Variants in TEAD1 observed in about 807,000 individuals in gnomAD.
The protein encoded by TEAD1 is transcriptional enhancer factor TEF-1.
Under a neutral mutation model 54.9 loss-of-function variants are expected in TEAD1, and 9 were observed. That is an observed-to-expected ratio of 0.16 (90% CI 0.10 to 0.29). The LOEUF (loss-of-function observed/expected upper bound fraction) is 0.29. Ranked by LOEUF, TEAD1 falls within the 10% of genes least tolerant of loss-of-function variation. The probability of loss-of-function intolerance (pLI) is 1.00; values close to 1 mark genes in which losing one functional copy is unlikely to be tolerated. For synonymous variants in TEAD1, 200 were observed against 187.8 expected (o/e 1.07, Z -0.53); for missense variants, 387 against 535.9 (o/e 0.72, Z 2.74).
intron 2 of TEAD1, among the ~76,000 whole-genome samples, chr11:12,712,312 A>T (rs528798089): frequency 6.6e-6 from 1 of 152,284 alleles, no homozygotes; most frequent in South Asian, 2.1e-4. Context: ...TACCACTCTG[A>T]CTATGGCCTC....
intron 3 of TEAD1, among the ~76,000 whole-genome samples, chr11:12,775,569 T>A (rs1478058229): frequency 6.6e-6 from 1 of 152,232 alleles, no homozygotes; most frequent in Non-Finnish European, 1.5e-5. Flanking sequence ...GTGGTCTTTT[T>A]AAAATAAATG....
chr11:12,941,830 T>G lies in TEAD1; in HGVS notation c.*4608T>G, dbSNP rs566196706. 1 of 152,736 alleles carries G rather than the reference T, an allele frequency of 6.5e-6. No individual in the cohort carries two copies. The highest frequency in any genetic ancestry group is 2.1e-4 in the South Asian group (1 of 4,822). The allele number at this position is 152,736 out of a possible 1,614,324, so 9.5% of individuals were successfully genotyped here. On this transcript the variant is annotated 3_prime_UTR_variant, in exon 13 of 13. Coordinates refer to ENST00000527636, the MANE Select transcript of TEAD1 (RefSeq NM_021961.6). ...GCATTTCTCTTACTACTGTTACTTT[T>G]GTAGGAAGTTTTCAATTCAGAGCTG... is the stretch of plus-strand genomic sequence containing the variant.
intron 2 of TEAD1, among the ~76,000 whole-genome samples, chr11:12,685,992 T>A (rs1472064412): frequency 6.6e-6 from 1 of 152,224 alleles, no homozygotes; most frequent in Non-Finnish European, 1.5e-5. Context: ...ATCCACCAGA[T>A]CCTGGCTGCC....
At chr11:12,909,482 C>G (rs770260746) in intron 10 of TEAD1, among the ~76,000 whole-genome samples, 2 of 122,380 alleles carry the variant, frequency 1.6e-5, no homozygotes, top group Non-Finnish European at 3.3e-5. Flanking sequence ...AATGAGAACA[C>G]AGGGACACAG....
At chr11:12,884,440 C>T (rs529912394) in intron 9 of TEAD1, among the ~76,000 whole-genome samples, 2 of 152,268 alleles carry the variant, frequency 1.3e-5, no homozygotes, top group African/African-American at 4.8e-5. Flanking sequence ...TATCGGGAGA[C>T]AGTGTCAAGA....
At chr11:12,827,037 G>C (rs925857302) in intron 3 of TEAD1, among the ~76,000 whole-genome samples, 1 of 152,156 alleles carries the variant, frequency 6.6e-6, no homozygotes, top group Non-Finnish European at 1.5e-5. Context: ...AATACCTCTG[G>C]GTGCTGGAGA....
intron 3 of TEAD1, among the ~76,000 whole-genome samples, chr11:12,803,537 C>CA (rs2133978810): frequency 6.6e-6 from 1 of 152,332 alleles, no homozygotes; most frequent in East Asian, 1.9e-4. Context: ...GGACTGAGTG[C>CA]AGTCTGTGTG....
chr11:12,775,413 T>G lies in TEAD1; in HGVS notation c.202+10979T>G, dbSNP rs527260592. On this transcript the variant is annotated intron_variant, in intron 3 of 12. Transcript: ENST00000527636. ...CCTGGATTCAACGATGTTTCTCTGT[T>G]CTCATCCCCACCGGACCCCCACCTC... Among the ~76,000 whole-genome samples the G allele has an allele frequency of 1.5e-4, 23 of 152,302 alleles. No individual in the cohort carries two copies. In the Middle Eastern group the frequency reaches 0.014, roughly 90 times the overall value.
At chr11:12,830,653 A>C (rs1946756252) in intron 3 of TEAD1, among the ~76,000 whole-genome samples, 1 of 152,120 alleles carries the variant, frequency 6.6e-6, no homozygotes, top group African/African-American at 2.4e-5. Flanking sequence ...AAAATCTGTT[A>C]GCCTGGTTAA....
chr11:12,887,082 TTTTTTTTTTTGTTTG>T (rs886440329), intron 9 of TEAD1, among the ~76,000 whole-genome samples: 5 of 6,182 alleles, frequency 8.1e-4, no homozygotes, highest in African/African-American at 1.9e-3. Flanking sequence ...AGTTTTTTTG[TTTTTTTTTTTGTTTG>T]TTTTTTTTTT....
At chr11:12,896,111 G>A (rs1250844173) in intron 9 of TEAD1, among the ~76,000 whole-genome samples, 3 of 151,988 alleles carry the variant, frequency 2.0e-5, no homozygotes, top group Non-Finnish European at 4.4e-5. Flanking sequence ...TTATATATTG[G>A]AACCATTTCC....
intron 2 of TEAD1, among the ~76,000 whole-genome samples, chr11:12,750,732 C>G (rs1944853906): frequency 6.6e-6 from 1 of 152,164 alleles, no homozygotes; most frequent in Non-Finnish European, 1.5e-5. Context: ...TACTTTCTTG[C>G]TTGGCTCTCT....
intron 2 of TEAD1, among the ~76,000 whole-genome samples, chr11:12,763,155 T>G (rs1280497643): frequency 6.6e-6 from 1 of 152,224 alleles, no homozygotes; most frequent in African/African-American, 2.4e-5. Context: ...TTATGCCAGT[T>G]TGACATTTGT....
chr11:12,876,588 C>T (rs555430231), intron 5 of TEAD1, among the ~76,000 whole-genome samples: 3 of 152,312 alleles, frequency 2.0e-5, no homozygotes, highest in East Asian at 1.9e-4. Context: ...GCAGGCAAGA[C>T]GTCTGTGCTG....
chr11:12,911,811 C>T (rs761358446), intron 10 of TEAD1, among the ~76,000 whole-genome samples: 2 of 151,964 alleles, frequency 1.3e-5, no homozygotes, highest in Non-Finnish European at 2.9e-5. Flanking sequence ...CTTGTGAGCA[C>T]TTTCTGTGGT....
At chr11:12,846,422 G>T (rs1488125304) in intron 3 of TEAD1, among the ~76,000 whole-genome samples, 1 of 152,122 alleles carries the variant, frequency 6.6e-6, no homozygotes, top group African/African-American at 2.4e-5. Flanking sequence ...CCACACAAGG[G>T]TTTGCTGGAT....
chr11:12,830,649 T>G (rs978868229), intron 3 of TEAD1, among the ~76,000 whole-genome samples: 6 of 152,158 alleles, frequency 3.9e-5, no homozygotes, highest in African/African-American at 1.4e-4. Flanking sequence ...TAAAAAAATC[T>G]GTTAGCCTGG....
rs140571232 is a variant in TEAD1 at position 12,905,585 on chromosome 11, T to A, written c.873+3472T>A. ...CCTCTAATGACTCAGTAAGAATGAA[T>A]TACATTTAGAATATCTATCCTTGGA... On this transcript the variant is annotated intron_variant, in intron 10 of 12. Transcript: ENST00000527636. 1.2e-4 allele frequency among the ~76,000 whole-genome samples: 19 copies of A among 152,350 alleles called. No homozygotes were observed. In the East Asian group the frequency reaches 3.7e-3, roughly 29 times the overall value.
chr11:12,845,309 GCT>G (rs1359410140), intron 3 of TEAD1, among the ~76,000 whole-genome samples: 72 of 152,220 alleles, frequency 4.7e-4, no homozygotes, highest in South Asian at 2.1e-4. Flanking sequence ...TCCAGTTGCA[GCT>G]CTCTCTGCAG....
Sources: gnomAD v4.1 joint callset for allele counts (sites outside exome capture counted in the v4.1 genomes callset) on GRCh38, gnomAD v4.1.1 for gene constraint, MANE v1.5 for transcripts, NCBI Gene and HGNC (gene_info 2026-07-23, HGNC 2026-07-21) for gene names.